Variants in RFX4 observed in about 807,000 individuals in gnomAD.
The protein encoded by RFX4 is transcription factor RFX4.
RFX4 carries 10 observed loss-of-function variants against 95.0 expected under a neutral mutation model. That is an observed-to-expected ratio of 0.11 (90% CI 0.06 to 0.18). The LOEUF is 0.18. Ranked by LOEUF, RFX4 falls within the 10% of genes least tolerant of loss-of-function variation. RFX4 has a pLI of 1.00. For synonymous variants in RFX4, 321 were observed against 340.7 expected (o/e 0.94, Z 0.64); for missense variants, 640 against 922.0 (o/e 0.69, Z 3.96).
At chr12:106,686,084 C>T (rs1354119450) in intron 5 of RFX4, among the ~76,000 whole-genome samples, 1 of 152,206 alleles carries the variant, frequency 6.6e-6, no homozygotes, top group Non-Finnish European at 1.5e-5. Context: ...TTTAAAAATA[C>T]AGTTCTTTGA....
rs1305158967 is a variant in RFX4 at position 106,715,322 on chromosome 12, T to TA, written c.994-76dup. 6 of 1,511,926 alleles carry TA rather than the reference T, an allele frequency of 4.0e-6. No individual in the cohort carries two copies. The Admixed American group carries it at 8.4e-5, about 21-fold the overall frequency. 93.7% of individuals were successfully genotyped at this position (1,511,926 alleles called of 1,614,324 possible). A position where few individuals can be genotyped will look rare whatever the true frequency, so the allele number is the denominator to read the frequency against. On this transcript the variant is annotated intron_variant, in intron 10 of 17. Transcript: ENST00000392842. Reference sequence around the variant, plus strand: ...TGCAAAATACCATAAGCAGATGCATTAACAAGGCATAAAAGGAAATACAGT... The same window carrying TA: ...TGCAAAATACCATAAGCAGATGCATTAAACAAGGCATAAAAGGAAATACAGT...
chr12:106,592,986 C>G (rs947415189), intron 1 of RFX4, among the ~76,000 whole-genome samples: 1 of 152,092 alleles, frequency 6.6e-6, no homozygotes, highest in African/African-American at 2.4e-5. Context: ...CAAATTGAGG[C>G]AACTAGGGCT....
chr12:106,661,863 G>T (rs2041080945), intron 4 of RFX4, among the ~76,000 whole-genome samples: 1 of 152,072 alleles, frequency 6.6e-6, no homozygotes, highest in African/African-American at 2.4e-5. Context: ...TATGCATTTA[G>T]GTTTCCTCCA....
In RFX4 at chr12:106,703,752, T is replaced by G. The variant is rs1248504885; in HGVS notation, c.834-5578T>G. Among the ~76,000 whole-genome samples, 3 of 152,188 alleles carry G rather than the reference T, an allele frequency of 2.0e-5. No homozygotes were observed. The East Asian group carries it at 5.8e-4, about 29-fold the overall frequency. On this transcript the variant is annotated intron_variant, in intron 8 of 17. Transcript: ENST00000392842. ...TCTATAATTGACTTATTTTTACAGA[T>G]GTGGAGGTTAAAGATTAAAAGCTGA...
chr12:106,613,391 C>T (rs151199923), intron 2 of RFX4, among the ~76,000 whole-genome samples: 3,364 of 146,528 alleles, frequency 0.023, 65 homozygotes, highest in Non-Finnish European at 0.032. Context: ...TAGATGCAGT[C>T]TCACTCTTTT....
chr12:106,718,570 C>T (rs1352680424), intron 11 of RFX4, among the ~76,000 whole-genome samples: 1 of 152,178 alleles, frequency 6.6e-6, no homozygotes, highest in East Asian at 1.9e-4. Flanking sequence ...TGTTATGACC[C>T]TCTGGTCTCA....
At chr12:106,688,001 A>G (rs2041696643) in intron 6 of RFX4, among the ~76,000 whole-genome samples, 1 of 152,014 alleles carries the variant, frequency 6.6e-6, no homozygotes, top group Admixed American at 6.6e-5. Flanking sequence ...TTGATCATAG[A>G]ATATTTGGAG....
chr12:106,632,892 C>T (rs775533472), intron 2 of RFX4, among the ~76,000 whole-genome samples: 1 of 152,144 alleles, frequency 6.6e-6, no homozygotes, highest in Non-Finnish European at 1.5e-5. Context: ...TGCATGCCAC[C>T]GTATCTGGCT....
At chr12:106,640,383 G>A (rs73389501) in intron 3 of RFX4, among the ~76,000 whole-genome samples, 8,110 of 152,218 alleles carry the variant, frequency 0.053, 401 homozygotes, top group African/African-American at 0.13. Flanking sequence ...GCTTTAATGA[G>A]CAAATCATAT....
chr12:106,603,656 T>C (rs946037632), intron 1 of RFX4, among the ~76,000 whole-genome samples: 11 of 152,204 alleles, frequency 7.2e-5, no homozygotes, highest in African/African-American at 2.7e-4. Context: ...AATGAGGCAA[T>C]TGGGAATAGG....
chr12:106,701,104 T>C (rs1159253941), intron 8 of RFX4, among the ~76,000 whole-genome samples: 1 of 152,218 alleles, frequency 6.6e-6, no homozygotes, highest in Non-Finnish European at 1.5e-5. Context: ...TCTGAAGAGG[T>C]CTTTATTTCT....
At chr12:106,707,721 AGTCT>A (rs1202421236) in intron 8 of RFX4, among the ~76,000 whole-genome samples, 3 of 152,152 alleles carry the variant, frequency 2.0e-5, no homozygotes, top group Non-Finnish European at 4.4e-5. Context: ...ACTTTGAAGA[AGTCT>A]GTCTGTGATG....
intron 4 of RFX4, among the ~76,000 whole-genome samples, chr12:106,672,462 C>T (rs952946263): frequency 1.3e-5 from 2 of 152,166 alleles, no homozygotes; most frequent in African/African-American, 4.8e-5. Context: ...GCTAGAACAG[C>T]ATGTGGTGTT....
intron 1 of RFX4, among the ~76,000 whole-genome samples, chr12:106,587,769 C>G (rs983838884): frequency 6.6e-6 from 1 of 152,176 alleles, no homozygotes; most frequent in South Asian, 2.1e-4. Context: ...GTTTCTCACC[C>G]CCTATCTCAA....
rs551083644 is a variant in RFX4 at position 106,620,961 on chromosome 12, G to T, written c.130+12078G>T. On this transcript the variant is annotated intron_variant, in intron 2 of 17. Coordinates refer to ENST00000392842, the MANE Select transcript of RFX4 (RefSeq NM_213594.3). ...GGCTCTCTGCAAGAAGAAAAATATG[G>T]CTCTTTTTGTCTGACCCCACAGGCA... Among the ~76,000 whole-genome samples the T allele has an allele frequency of 3.9e-5, 6 of 152,176 alleles. No homozygotes were observed. The South Asian group carries it at 1.2e-3, about 32-fold the overall frequency.
intron 13 of RFX4, among the ~76,000 whole-genome samples, chr12:106,722,503 G>A (rs1039773102): frequency 6.6e-5 from 10 of 152,294 alleles, no homozygotes; most frequent in African/African-American, 1.4e-4. Context: ...CTTTATGAAT[G>A]GGTTGAATTT....
chr12:106,719,902 G>T, intron 11 of RFX4, 58 bp from the exon 12 acceptor site: 1 of 1,324,154 alleles, frequency 7.6e-7, no homozygotes, highest in Non-Finnish European at 1.1e-6. Context: ...CTTTTAAGAC[G>T]TAGCTCTTGT....
At chr12:106,696,953 G>A (rs1247923953) in intron 8 of RFX4, among the ~76,000 whole-genome samples, 1 of 152,080 alleles carries the variant, frequency 6.6e-6, no homozygotes, top group Admixed American at 6.5e-5. Flanking sequence ...CTTCTGCTGG[G>A]GCCAGAGGTG....
intron 13 of RFX4, among the ~76,000 whole-genome samples, chr12:106,725,579 T>C (rs908898724): frequency 1.3e-5 from 2 of 152,206 alleles, no homozygotes; most frequent in Non-Finnish European, 2.9e-5. Context: ...TTAGGCTTTG[T>C]TGGAGAAATT....
Sources: gnomAD v4.1 joint callset for allele counts (sites outside exome capture counted in the v4.1 genomes callset) on GRCh38, gnomAD v4.1.1 for gene constraint, MANE v1.5 for transcripts, NCBI Gene and HGNC (gene_info 2026-07-23, HGNC 2026-07-21) for gene names.